ADGRG6: variants seen among roughly 807,000 people sequenced by gnomAD.
ADGRG6 encodes adhesion G protein-coupled receptor G6.
A neutral mutation model predicts 142.4 loss-of-function variants in ADGRG6; 84 were observed. The ratio of observed to expected loss-of-function variants is 0.59; its 90% CI spans 0.49 to 0.71. The LOEUF (loss-of-function observed/expected upper bound fraction) is 0.71, where lower values mean the gene tolerates loss of function less well. Among genes scored for constraint, ADGRG6 ranks in the 30% least tolerant of loss-of-function variants. The pLI, the probability that ADGRG6 is intolerant of heterozygous loss-of-function variation, is 0.00. For missense variants in ADGRG6, 1,367 were observed against 1,466.6 expected, an observed-to-expected ratio of 0.93 and a Z score of 1.11; for synonymous variants, 521 against 520.5, an observed-to-expected ratio of 1.00 and a Z score of -0.01.
At chr6:142,426,477 G>A (rs1430475415) in intron 22 of ADGRG6, among the ~76,000 whole-genome samples, 3 of 152,194 alleles carry the variant, frequency 2.0e-5, no homozygotes, top group Admixed American at 6.5e-5. Context: ...CTCCATCCTT[G>A]TGGCTTTGCA....
At chr6:142,309,781 G>A in intron 2 of ADGRG6, 137 bp downstream of exon 2, 1 of 486,502 alleles carries the variant, frequency 2.1e-6, no homozygotes, top group Non-Finnish European at 3.6e-6. Flanking sequence ...TTATAGGGCA[G>A]TTTTTTTCTG....
chr6:142,423,024 C>A (rs13437536), intron 22 of ADGRG6, among the ~76,000 whole-genome samples: 1 of 151,762 alleles, frequency 6.6e-6, no homozygotes. Context: ...TTGTTTTTTT[C>A]TTGTAAATGT....
chr6:142,399,892 G>A (rs1213192632), intron 10 of ADGRG6, among the ~76,000 whole-genome samples: 1 of 152,152 alleles, frequency 6.6e-6, no homozygotes, highest in Non-Finnish European at 1.5e-5. Flanking sequence ...TTGATGTCAT[G>A]AGGCTTACTT....
chr6:142,440,507 G>C (rs1777703164), intron 24 of ADGRG6, among the ~76,000 whole-genome samples: 1 of 151,916 alleles, frequency 6.6e-6, no homozygotes, highest in Non-Finnish European at 1.5e-5. Context: ...TCTTACCCAG[G>C]CTAGTCTCAA....
chr6:142,308,361 C>G (rs567965210), intron 1 of ADGRG6, among the ~76,000 whole-genome samples: 1 of 152,058 alleles, frequency 6.6e-6, no homozygotes, highest in South Asian at 2.1e-4. Flanking sequence ...TAAGCTTATT[C>G]TCTTGGCTAT....
chr6:142,414,420 C>T (rs1776249709), intron 18 of ADGRG6, among the ~76,000 whole-genome samples: 2 of 152,106 alleles, frequency 1.3e-5, no homozygotes, highest in Non-Finnish European at 2.9e-5. Context: ...AAGACAGTCC[C>T]ACCTCATACA....
At chr6:142,326,831 C>T (rs1389663990) in intron 2 of ADGRG6, among the ~76,000 whole-genome samples, 1 of 151,994 alleles carries the variant, frequency 6.6e-6, no homozygotes, top group Non-Finnish European at 1.5e-5. Context: ...GATTAGCTGG[C>T]TCTGAACCCT....
intron 2 of ADGRG6, among the ~76,000 whole-genome samples, chr6:142,331,091 T>C (rs1223747349): frequency 2.0e-5 from 3 of 151,562 alleles, no homozygotes; most frequent in African/African-American, 7.3e-5. Context: ...CATGGCTGTA[T>C]GTGACATGGA....
chr6:142,412,396 C>A (rs987838652), intron 18 of ADGRG6, among the ~76,000 whole-genome samples: 1 of 152,102 alleles, frequency 6.6e-6, no homozygotes, highest in East Asian at 1.9e-4. Context: ...GCCTTTAAAT[C>A]TTGCACCCTT....
intron 2 of ADGRG6, among the ~76,000 whole-genome samples, chr6:142,354,829 A>G (rs570898585): frequency 3.3e-4 from 51 of 152,368 alleles, no homozygotes; most frequent in African/African-American, 1.2e-3. Context: ...TAATGGAACT[A>G]ACAGTTCATC....
chr6:142,441,365 C>G (rs1777748497), intron 24 of ADGRG6, among the ~76,000 whole-genome samples: 1 of 152,110 alleles, frequency 6.6e-6, no homozygotes, highest in Non-Finnish European at 1.5e-5. Context: ...GAATTCCAAG[C>G]CTGCTTTGTG....
Position 142,407,681 on chromosome 6 carries a change from G to T in ADGRG6, c.2269-469G>T, listed in dbSNP as rs114463060. The stretch of plus-strand genomic sequence containing the variant: ...GGACTTGAATCCAGTATTACTTTTA[G>T]GTATAAGTTAGTAAACATGTCAGGC... On this transcript the variant is annotated intron_variant, in intron 15 of 24. Coordinates refer to ENST00000367609, the MANE Select transcript of ADGRG6 (RefSeq NM_198569.3). 4.1e-3 allele frequency among the ~76,000 whole-genome samples: 627 copies of T among 152,260 alleles called. 8 individuals carry two copies. Among genetic ancestry groups the T allele is most frequent in the African/African-American group, 0.015 (610 of 41,548 alleles).
chr6:142,432,028 A>G (rs1362565432), intron 22 of ADGRG6, among the ~76,000 whole-genome samples: 1 of 152,194 alleles, frequency 6.6e-6, no homozygotes, highest in Admixed American at 6.5e-5. Flanking sequence ...TGCTTCTGAC[A>G]CCGAGATCTA....
chr6:142,390,308 C>T lies in ADGRG6; in HGVS notation c.1273C>T (p.Pro425Ser). 6.2e-7 allele frequency: 1 copy of T among 1,600,722 alleles called. No homozygotes were observed. Among genetic ancestry groups the T allele is most frequent in the Non-Finnish European group, 8.5e-7 (1 of 1,170,586 alleles). ...AGTGATTCAGAACATCCTTCGTCAC[C>T]CTGAGGTAAAAGTACAGAGCAAGGT... ...SVVIQNILRH[P>S]EVKVQSKVAE... The change falls in exon 7 of 25, where the codon CCT becomes TCT. Residue 425 changes from proline (P) to serine (S), a missense_variant. Pro to Ser is a moderately conservative substitution (Grantham distance 74). Around this residue, in one of 3 missense-constraint regions of ADGRG6, gnomAD observed 737 missense variants for 746.5 expected, o/e 0.99. Transcript: ENST00000367609.
At chr6:142,425,386 G>A (rs1328223068) in intron 22 of ADGRG6, among the ~76,000 whole-genome samples, 1 of 152,142 alleles carries the variant, frequency 6.6e-6, no homozygotes, top group African/African-American at 2.4e-5. Flanking sequence ...TAGGAAGCAT[G>A]CTGCTACAAA....
chr6:142,382,414 A>G (rs1469410741), intron 5 of ADGRG6, among the ~76,000 whole-genome samples: 2 of 152,192 alleles, frequency 1.3e-5, no homozygotes, highest in African/African-American at 4.8e-5. Flanking sequence ...AATTAATTTG[A>G]CTATTCAGTT....
intron 2 of ADGRG6, among the ~76,000 whole-genome samples, chr6:142,342,484 A>G (rs1300906733): frequency 6.6e-6 from 1 of 152,098 alleles, no homozygotes; most frequent in Non-Finnish European, 1.5e-5. Context: ...GATTCCTGCC[A>G]TTAACTTAAA....
chr6:142,304,472 TC>T (rs1466523595), intron 1 of ADGRG6, among the ~76,000 whole-genome samples: 1 of 152,184 alleles, frequency 6.6e-6, no homozygotes, highest in Non-Finnish European at 1.5e-5. Context: ...TTGTGCTTTT[TC>T]AATATGAATG....
chr6:142,419,666 A>G (rs1220421286), intron 21 of ADGRG6, among the ~76,000 whole-genome samples, 155 bp from the exon 22 acceptor site: 1 of 152,172 alleles, frequency 6.6e-6, no homozygotes, highest in African/African-American at 2.4e-5. Context: ...CTATGAAGAG[A>G]TTGAAGAAGA....
Sources: allele counts gnomAD v4.1 joint callset (sites outside exome capture counted in the v4.1 genomes callset), GRCh38; gene constraint gnomAD v4.1.1; regional missense constraint gnomAD v4.1.1; transcripts MANE v1.5; gene names NCBI Gene and HGNC (gene_info 2026-07-23, HGNC 2026-07-21).